The following EIF4EBP2 variants were observed in gnomAD, a reference collection of about 807,000 sequenced individuals.
The protein encoded by EIF4EBP2 is eukaryotic translation initiation factor 4E binding protein 2.
A neutral mutation model predicts 10.3 loss-of-function variants in EIF4EBP2; 5 were observed. That is an observed-to-expected ratio of 0.48 (90% confidence interval 0.25 to 1.02). The LOEUF (loss-of-function observed/expected upper bound fraction) is 1.02. Among genes scored for constraint, EIF4EBP2 ranks in the 50% least tolerant of loss-of-function variants. EIF4EBP2 has a pLI of 0.15. For missense variants in EIF4EBP2, 188 were observed against 162.2 expected, an observed-to-expected ratio of 1.16 and a Z score of -0.86; for synonymous variants, 67 against 61.1, an observed-to-expected ratio of 1.10 and a Z score of -0.45.
At chr10:70,411,587 C>T (rs1845045327) in intron 1 of EIF4EBP2, among the ~76,000 whole-genome samples, 1 of 152,060 alleles carries the variant, frequency 6.6e-6, no homozygotes, top group Admixed American at 6.6e-5. Flanking sequence ...GGCTCAGCCT[C>T]CTGGGATCAT....
rs954885009 is a variant in EIF4EBP2, at chr10:70,424,829, T to C, written c.*3082T>C. 2 of 152,212 alleles carry C rather than the reference T, an allele frequency of 1.3e-5. No individual in the cohort carries two copies. Among genetic ancestry groups the C allele is most frequent in the African/African-American group, 4.8e-5 (2 of 41,472 alleles). The allele number at this position is 152,212 out of a possible 1,614,324, so 9.4% of individuals were successfully genotyped here. A position where few individuals can be genotyped will look rare whatever the true frequency, so the allele number is the denominator to read the frequency against. On this transcript the variant is annotated 3_prime_UTR_variant, in exon 3 of 3. Transcript: ENST00000373218. Reference sequence around the variant, plus strand: ...AGTTCTCATATTCTGTTTAAATAGGTACAGCATTTTCAAGGGCACAGATAC... The same window carrying C: ...AGTTCTCATATTCTGTTTAAATAGGCACAGCATTTTCAAGGGCACAGATAC...
intron 1 of EIF4EBP2, among the ~76,000 whole-genome samples, chr10:70,408,747 AT>A (rs2034295527): frequency 6.6e-6 from 1 of 152,236 alleles, no homozygotes; most frequent in Non-Finnish European, 1.5e-5. Flanking sequence ...AAAGTAGGAA[AT>A]ACAGTCCTTG....
chr10:70,418,426 G>T (rs940912575), intron 1 of EIF4EBP2, among the ~76,000 whole-genome samples: 2 of 152,218 alleles, frequency 1.3e-5, no homozygotes, highest in Non-Finnish European at 2.9e-5. Flanking sequence ...GGGGACAAGG[G>T]CACTGTGGGG....
chr10:70,404,218 G>A lies in EIF4EBP2; in HGVS notation c.-184G>A, dbSNP rs1844943656. 6.6e-6 allele frequency among the ~76,000 whole-genome samples: 1 copy of A among 152,198 alleles called. No individual in the cohort carries two copies. Among genetic ancestry groups the A allele is most frequent in the Non-Finnish European group, 1.5e-5 (1 of 68,004 alleles). ...GGCTGCTGGCTGAGGCCGGAGGATC[G>A]AGCGGCGGCGGCGGCGGCGGCTGAG... On this transcript the variant is annotated 5_prime_UTR_variant, in exon 1 of 3. Transcript: ENST00000373218.
chr10:70,418,111 A>C (rs1345990838), intron 1 of EIF4EBP2, among the ~76,000 whole-genome samples: 5 of 152,162 alleles, frequency 3.3e-5, no homozygotes, highest in African/African-American at 1.2e-4. Context: ...AATTAGGCTG[A>C]GTTGAGGTCA....
intron 1 of EIF4EBP2, among the ~76,000 whole-genome samples, chr10:70,405,328 G>A (rs1413996085): frequency 2.6e-5 from 4 of 152,204 alleles, no homozygotes; most frequent in Admixed American, 2.0e-4. Context: ...GGGCTAGAGA[G>A]AGGCAATCCA....
In EIF4EBP2 at chr10:70,423,845, A is replaced by T. The variant is rs1175150750; in HGVS notation, c.*2098A>T. 1 of 152,622 alleles carries T rather than the reference A, an allele frequency of 6.6e-6. No homozygotes were observed. Among genetic ancestry groups the T allele is most frequent in the African/African-American group, 2.4e-5 (1 of 41,454 alleles). The allele number at this position is 152,622 out of a possible 1,614,324, so 9.5% of individuals were successfully genotyped here. A position where few individuals can be genotyped will look rare whatever the true frequency, so the allele number is the denominator to read the frequency against. On this transcript the variant is annotated 3_prime_UTR_variant, in exon 3 of 3. Transcript: ENST00000373218. Reference sequence around the variant, plus strand: ...GTCTCAAAAAAAATTGATAATCAGAAAAGTAATTTTTGTTTGTTTGTTTAA... The same window carrying T: ...GTCTCAAAAAAAATTGATAATCAGATAAGTAATTTTTGTTTGTTTGTTTAA...
rs1415014601 is a variant in EIF4EBP2, at chr10:70,423,954, T to C, written c.*2207T>C. The C allele has an allele frequency of 6.6e-6, 1 of 152,260 alleles. No individual in the cohort carries two copies. Among genetic ancestry groups the C allele is most frequent in the Non-Finnish European group, 1.5e-5 (1 of 68,040 alleles). 9.4% of individuals were successfully genotyped at this position (152,260 alleles called of 1,614,324 possible). A position where few individuals can be genotyped will look rare whatever the true frequency, so the allele number is the denominator to read the frequency against. ...AACCTAAGTTGCTCTGTAATTTACA[T>C]AAGAAGCATGCTCAGGACCTCTTTG... On this transcript the variant is annotated 3_prime_UTR_variant, in exon 3 of 3. Coordinates refer to ENST00000373218, the MANE Select transcript of EIF4EBP2 (RefSeq NM_004096.5).
At chr10:70,409,847 G>T in intron 1 of EIF4EBP2, among the ~76,000 whole-genome samples, 1 of 152,196 alleles carries the variant, frequency 6.6e-6, no homozygotes, top group East Asian at 1.9e-4. Context: ...AACAAGGGCA[G>T]CAGAGGGGAA....
At chr10:70,414,310 C>G (rs1453606713) in intron 1 of EIF4EBP2, among the ~76,000 whole-genome samples, 1 of 151,762 alleles carries the variant, frequency 6.6e-6, no homozygotes, top group Non-Finnish European at 1.5e-5. Flanking sequence ...TGCTTTATAC[C>G]CACTACAATT....
At position 70,404,496 on chromosome 10, in the gene EIF4EBP2, A is replaced by T. The variant is rs1844947142; in HGVS notation, c.95A>T (p.His32Leu). 2 of 1,599,092 alleles carry T rather than the reference A, an allele frequency of 1.3e-6. No homozygotes were observed. The highest frequency in any genetic ancestry group is 1.1e-5 in the South Asian group (1 of 89,950). ...ATCAGCGACGCCGCGCAGCTACCTC[A>T]TGACTATTGCACCACGCCCGGGGGG... ...VAISDAAQLP[H>L]DYCTTPGGTL... The change falls in exon 1 of 3, where the codon CAT becomes CTT. Residue 32 changes from histidine (H) to leucine (L), a missense_variant. His to Leu is a moderately conservative substitution (Grantham distance 99). Transcript: ENST00000373218.
Position 70,419,971 on chromosome 10 carries a change from C to T in EIF4EBP2, c.203C>T (p.Ala68Val), listed in dbSNP as rs1845137000. 6.2e-7 allele frequency: 1 copy of T among 1,611,478 alleles called. No homozygotes were observed. Among genetic ancestry groups the T allele is most frequent in the African/African-American group, 1.3e-5 (1 of 74,746 alleles). The change falls in exon 2 of 3, where the codon GCT (alanine) becomes GTT (valine). Residue 68 changes from alanine (A) to valine (V), a missense_variant. Ala to Val is a moderately conservative substitution (Grantham distance 64). Coordinates refer to ENST00000373218, the MANE Select transcript of EIF4EBP2 (RefSeq NM_004096.5). ...FLLDRRNSPM[A>V]QTPPCHLPNI... Reference sequence around the variant, plus strand: ...TTGGATCGTCGCAATTCTCCCATGGCTCAGACCCCACCCTGCCACCTGCCC... The same window carrying T: ...TTGGATCGTCGCAATTCTCCCATGGTTCAGACCCCACCCTGCCACCTGCCC...
intron 2 of EIF4EBP2, 129 bp downstream of exon 2, chr10:70,420,228 C>A: frequency 1.1e-6 from 1 of 888,384 alleles, no homozygotes; most frequent in Non-Finnish European, 1.6e-6. Context: ...GAGACACAGT[C>A]TCATTCTGTC....
chr10:70,420,863 C>T (rs182460982), intron 2 of EIF4EBP2, among the ~76,000 whole-genome samples: 15 of 152,220 alleles, frequency 9.9e-5, no homozygotes, highest in African/African-American at 2.6e-4. Flanking sequence ...GGCACGATCT[C>T]GGCTCACTGC....
At chr10:70,407,141 A>C (rs1318424066) in intron 1 of EIF4EBP2, among the ~76,000 whole-genome samples, 2 of 137,138 alleles carry the variant, frequency 1.5e-5, no homozygotes, top group Admixed American at 7.4e-5. Context: ...GTTGTTGATC[A>C]TTCTTGGGTG....
chr10:70,425,240 G>A lies in EIF4EBP2; in HGVS notation c.*3493G>A, dbSNP rs571615212. 1.5e-3 allele frequency: 230 copies of A among 152,402 alleles called. No individual in the cohort carries two copies. Among genetic ancestry groups the A allele is most frequent in the Non-Finnish European group, 2.6e-3 (180 of 68,078 alleles). 9.4% of individuals were successfully genotyped at this position (152,402 alleles called of 1,614,324 possible). On this transcript the variant is annotated 3_prime_UTR_variant, in exon 3 of 3. Coordinates refer to ENST00000373218, the MANE Select transcript of EIF4EBP2 (RefSeq NM_004096.5). The stretch of plus-strand genomic sequence containing the variant: ...AGCAGCTGATTCCAGAGATCATGGG[G>A]CAGGGCCAGGAGAAAGCTGCAGTGC...
chr10:70,410,271 T>C (rs768072983), intron 1 of EIF4EBP2, among the ~76,000 whole-genome samples: 1 of 152,208 alleles, frequency 6.6e-6, no homozygotes, highest in African/African-American at 2.4e-5. Flanking sequence ...GGTTTTACCA[T>C]GTTGGCCAGG....
At position 70,404,347 on chromosome 10, in the gene EIF4EBP2, G is replaced by T; in HGVS notation, c.-55G>T. The T allele has an allele frequency of 2.7e-6, 4 of 1,484,042 alleles. No homozygotes were observed. The highest frequency in any genetic ancestry group is 3.6e-6 in the Non-Finnish European group (4 of 1,120,490). 91.9% of individuals were successfully genotyped at this position (1,484,042 alleles called of 1,614,324 possible). A position where few individuals can be genotyped will look rare whatever the true frequency, so the allele number is the denominator to read the frequency against. Reference sequence around the variant, plus strand: ...CGCCTGAGGAGCCGAAGCAGCCCCGGCCCCGCCGCCGCCGCCTGCCCGCCG... The same window carrying T: ...CGCCTGAGGAGCCGAAGCAGCCCCGTCCCCGCCGCCGCCGCCTGCCCGCCG... On this transcript the variant is annotated 5_prime_UTR_variant, in exon 1 of 3. Transcript: ENST00000373218.
rs1316307311 is a variant in EIF4EBP2 at position 70,427,108 on chromosome 10, TTC to T, written c.*5363_*5364del. ...CTTGAGCGAGGAAGCCACACTGCCTTTCTGTGTCTGGTTCAGAGCTCTTCCTT... is the reference window on the plus strand; with the variant it reads ...CTTGAGCGAGGAAGCCACACTGCCTTTGTGTCTGGTTCAGAGCTCTTCCTT... On this transcript the variant is annotated 3_prime_UTR_variant, in exon 3 of 3. Coordinates refer to ENST00000373218, the MANE Select transcript of EIF4EBP2 (RefSeq NM_004096.5). 2 of 152,214 alleles carry T rather than the reference TTC, an allele frequency of 1.3e-5. No homozygotes were observed. The highest frequency in any genetic ancestry group is 2.9e-5 in the Non-Finnish European group (2 of 68,044). The allele number at this position is 152,214 out of a possible 1,614,324, so 9.4% of individuals were successfully genotyped here. A position where few individuals can be genotyped will look rare whatever the true frequency, so the allele number is the denominator to read the frequency against.
Sources: gnomAD v4.1 joint callset for allele counts (sites outside exome capture counted in the v4.1 genomes callset) on GRCh38, gnomAD v4.1.1 for gene constraint, MANE v1.5 for transcripts, NCBI Gene and HGNC (gene_info 2026-07-23, HGNC 2026-07-21) for gene names.